LTK: variants seen among roughly 807,000 people sequenced by gnomAD.
The protein encoded by LTK is leukocyte tyrosine kinase receptor.
A neutral mutation model predicts 101.5 loss-of-function variants in LTK; 117 were observed. That is an observed-to-expected ratio of 1.15 (90% CI 0.99 to 1.34). The LOEUF (loss-of-function observed/expected upper bound fraction) is 1.34. Ranked by LOEUF, LTK falls within the 40% of genes most tolerant of loss-of-function variation. LTK has a pLI of 0.00. For missense variants in LTK, 1,252 were observed against 1,164.7 expected (o/e 1.07, Z -1.09); for synonymous variants, 563 against 494.2 (o/e 1.14, Z -1.85).
chr15:41,504,535 C>T lies in LTK; in HGVS notation c.2226G>A (p.Met742Ile). Reference sequence around the variant, plus strand: ...GCCCTGGGCAGCCCCTAGGAGGGTCCATCCGGCCTCCTCCAACGACGAAGT... The same window carrying T: ...GCCCTGGGCAGCCCCTAGGAGGGTCTATCCGGCCTCCTCCAACGACGAAGT... ...VLDFVVGGGR[M>I]DPPRGCPGPV... The change falls in exon 18 of 20, where the codon ATG (methionine) becomes ATA (isoleucine). Residue 742 changes from methionine to isoleucine, a missense_variant. Met to Ile is a conservative substitution (Grantham distance 10). Transcript: ENST00000263800. 1 of 1,613,768 alleles carries T rather than the reference C, an allele frequency of 6.2e-7. No homozygotes were observed. The highest frequency in any genetic ancestry group is 8.5e-7 in the Non-Finnish European group (1 of 1,179,944).
Position 41,511,288 on chromosome 15 carries a change from C to A in LTK, c.873G>T (p.Gln291His), listed in dbSNP as rs1254293652. The stretch of plus-strand genomic sequence containing the variant: ...AGCCCTGGCCGCCCTCCGCCCCCTC[C>A]TGCAGTGAGCGGCCGGCCTGCGGAG... ...APSPQAGRSL[Q>H]EGAEGGQGCS... is the part of the protein sequence containing the mutation. The change falls in exon 7 of 20, where the codon CAG (glutamine) becomes CAT (histidine). Residue 291 changes from glutamine (Q) to histidine (H), a missense_variant. Coordinates refer to ENST00000263800, the MANE Select transcript of LTK (RefSeq NM_002344.6). The surrounding 1 kb of genome is among the most constrained non-coding windows in gnomAD (Gnocchi z 5.9). The A allele has an allele frequency of 1.6e-5, 23 of 1,400,166 alleles. No individual in the cohort carries two copies. The highest frequency in any genetic ancestry group is 2.1e-5 in the Non-Finnish European group (23 of 1,083,592). The allele number at this position is 1,400,166 out of a possible 1,614,324, so 86.7% of individuals were successfully genotyped here. A position where few individuals can be genotyped will look rare whatever the true frequency, so the allele number is the denominator to read the frequency against.
Position 41,503,937 on chromosome 15 carries a change from G to A in LTK, c.*59C>T. On this transcript the variant is annotated 3_prime_UTR_variant, in exon 20 of 20. Transcript: ENST00000263800. ...GGCATAACAGGCCACCCAGGAGCCT[G>A]AGGAGTATAGGGAGGGACCCTCAGT... 1 of 1,519,694 alleles carries A rather than the reference G, an allele frequency of 6.6e-7. No individual in the cohort carries two copies. Among genetic ancestry groups the A allele is most frequent in the Non-Finnish European group, 8.8e-7 (1 of 1,136,738 alleles). 94.1% of individuals were successfully genotyped at this position (1,519,694 alleles called of 1,614,324 possible).
At position 41,504,031 on chromosome 15, in the gene LTK, G is replaced by T. The variant is rs1474002400; in HGVS notation, c.2560C>A (p.Pro854Thr). 5 of 1,612,182 alleles carry T rather than the reference G, an allele frequency of 3.1e-6. No individual in the cohort carries two copies. In the South Asian group the frequency reaches 4.4e-5, roughly 14 times the overall value. Residue 854 changes from proline (P) to threonine (T), a missense_variant, in exon 20 of 20, where the codon CCT becomes ACT. Pro to Thr is a conservative substitution (Grantham distance 38, BLOSUM62 -1). Coordinates refer to ENST00000263800, the MANE Select transcript of LTK (RefSeq NM_002344.6). ...TAAGTGGGATTCCAAAGGTTCTGAG[G>T]TTGGAGGCCCCTGGATTTGAGGGGC... Reference protein sequence around the residue: ...LKPLKSRGLQPQNLWNPTYRS With the variant: ...LKPLKSRGLQTQNLWNPTYRS
chr15:41,506,555 T>G (rs1346079658), intron 11 of LTK, among the ~76,000 whole-genome samples: 1 of 152,014 alleles, frequency 6.6e-6, no homozygotes, highest in Non-Finnish European at 1.5e-5. Context: ...TCCACCTGCC[T>G]TGGCCTCCCA....
rs1395603499 is a variant in LTK at position 41,511,449 on chromosome 15, C to G, written c.787G>C (p.Gly263Arg). Residue 263 changes from glycine to arginine, a missense_variant, in exon 6 of 20, where the codon GGG becomes CGG. Coordinates refer to ENST00000263800, the MANE Select transcript of LTK (RefSeq NM_002344.6). This position sits in a 1 kb window ranked among gnomAD's most constrained non-coding sequence, Gnocchi z 5.9. ...GCCGCCCCGCCTCTCCCGCCGCTCC[C>G]GGGCGCCTCCGAGCGGTTCTCCAGT... ...EKLENRSEAP[G>R]SGGRGGAAGG... is the part of the protein sequence containing the mutation. 5 of 1,414,310 alleles carry G rather than the reference C, an allele frequency of 3.5e-6. No individual in the cohort carries two copies. The highest frequency in any genetic ancestry group is 1.5e-5 in the South Asian group (1 of 65,064). The allele number at this position is 1,414,310 out of a possible 1,614,324, so 87.6% of individuals were successfully genotyped here.
In LTK at chr15:41,512,122, C is replaced by G. The variant is rs898688700; in HGVS notation, c.503G>C (p.Cys168Ser). 4.4e-6 allele frequency: 7 copies of G among 1,608,304 alleles called. No individual in the cohort carries two copies. The Admixed American group carries it at 1.2e-4, about 27-fold the overall frequency. ...CCCACTGGCTGCGCTCACTCCGGGA[C>G]AGGCGTCCTCTCCCTGCTGCCCCAC... Reference protein sequence around the residue: ...ILVGQQGEDACPGGSPESQLV... With the variant: ...ILVGQQGEDASPGGSPESQLV... Residue 168 changes from cysteine to serine, a missense_variant, in exon 4 of 20, where the codon TGT becomes TCT. Cys to Ser is a moderately radical substitution (Grantham distance 112). Coordinates refer to ENST00000263800, the MANE Select transcript of LTK (RefSeq NM_002344.6).
At position 41,505,227 on chromosome 15, in the gene LTK, C is replaced by T. The variant is rs1346640138; in HGVS notation, c.1906G>A (p.Glu636Lys). 4 of 1,613,974 alleles carry T rather than the reference C, an allele frequency of 2.5e-6. No individual in the cohort carries two copies. The highest frequency in any genetic ancestry group is 2.5e-6 in the Non-Finnish European group (3 of 1,180,014). Residue 636 changes from glutamate (E) to lysine (K), a missense_variant, in exon 15 of 20, where the codon GAA (glutamate) becomes AAA (lysine). Physicochemically the swap from Glu to Lys is moderately conservative, Grantham distance 56 (BLOSUM62 1). Transcript: ENST00000263800. ...DIAQGCHYLE[E>K]NHFIHRDIAA... ...CCTAACCTGTGGATGAAGTGATTTT[C>T]CTCCAGGTAGTGGCAGCCCTGGGCT... is the stretch of plus-strand genomic sequence containing the variant.
chr15:41,504,743 T>TGGGGAAGGGGA (rs201729483), intron 17 of LTK, 30 bp downstream of exon 17: 96,759 of 1,585,026 alleles, frequency 0.061, 3,620 homozygotes, highest in African/African-American at 0.1. Context: ...AGGGGAACAG[T>TGGGGAAGGGGA]GGGGAAGGGG....
Position 41,504,105 on chromosome 15 carries a change from T to C in LTK, c.2486A>G (p.Lys829Arg). The change falls in exon 20 of 20, where the codon AAA (lysine) becomes AGA (arginine). Residue 829 changes from lysine (K) to arginine (R), a missense_variant. By Grantham distance (26) the Lys-to-Arg change is conservative (BLOSUM62 2). Transcript: ENST00000263800. ...QPQELSPEKLKSWGGSPLGPW... is the reference protein window; with the variant it reads ...QPQELSPEKLRSWGGSPLGPW... ...GCCAAGAGGGCTACCTCCCCAGCTT[T>C]TCAACTTCTCTGGACTCAGTTCCTG... is the stretch of plus-strand genomic sequence containing the variant. 6.2e-7 allele frequency: 1 copy of C among 1,614,106 alleles called. No homozygotes were observed. The highest frequency in any genetic ancestry group is 1.7e-5 in the Admixed American group (1 of 60,018).
chr15:41,512,706 C>G lies in LTK; in HGVS notation c.359+1G>C, dbSNP rs146417308. On this transcript the variant is annotated splice_donor_variant, in intron 3 of 19. Transcript: ENST00000263800. LOFTEE classifies it high-confidence loss of function. ...CCACCCTACCTCCGCCGTGCACTTA[C>G]AGATACTGGCCAGGGCCCGGCACGC... 9 of 1,577,284 alleles carry G rather than the reference C, an allele frequency of 5.7e-6. No homozygotes were observed. The Admixed American group carries it at 1.6e-4, about 28-fold the overall frequency.
rs1024311663 is a variant in LTK at position 41,511,698 on chromosome 15, G to GCCAGC, written c.657+114_657+118dup. 34 of 1,403,358 alleles carry GCCAGC rather than the reference G, an allele frequency of 2.4e-5. No individual in the cohort carries two copies. The East Asian group carries it at 3.3e-4, about 13-fold the overall frequency. The allele number at this position is 1,403,358 out of a possible 1,614,324, so 86.9% of individuals were successfully genotyped here. On this transcript the variant is annotated intron_variant, in intron 5 of 19. Transcript: ENST00000263800. This position sits in a 1 kb window ranked among gnomAD's most constrained non-coding sequence, Gnocchi z 5.9. ...GGCAGGGGCCCCCAGCCCAGCCCAGGCCAGCCCAGCCCAGCGCAGGGATAG... is the reference window on the plus strand; with the variant it reads ...GGCAGGGGCCCCCAGCCCAGCCCAGGCCAGCCCAGCCCAGCCCAGCGCAGGGATAG...
chr15:41,508,323 C>G, intron 8 of LTK, 102 bp from the exon 9 acceptor site: 1 of 994,332 alleles, frequency 1.0e-6, no homozygotes, highest in African/African-American at 1.7e-5. Context: ...AATCATTGCA[C>G]TTTGGGAGGC....
intron 7 of LTK, among the ~76,000 whole-genome samples, chr15:41,509,858 T>TA (rs200245367): frequency 2.7e-4 from 40 of 149,900 alleles, no homozygotes; most frequent in African/African-American, 6.6e-4. Context: ...AGACTCCATC[T>TA]AAAAAAAAAA....
At position 41,505,285 on chromosome 15, in the gene LTK, G is replaced by T; in HGVS notation, c.1848C>A (p.Val616=). 3 of 1,613,980 alleles carry T rather than the reference G, an allele frequency of 1.9e-6. No homozygotes were observed. The South Asian group carries it at 3.3e-5, about 18-fold the overall frequency. ...RPHLGQPSPL[V]MRDLLQLAQD... ...GGGCCAGTTGCAGCAGGTCCCGCATGACCAGAGGTGATGGCTGGCCCTGGG... is the reference window on the plus strand; with the variant it reads ...GGGCCAGTTGCAGCAGGTCCCGCATTACCAGAGGTGATGGCTGGCCCTGGG... The change falls in exon 15 of 20, where the codon GTC becomes GTA. Residue 616 remains valine (V), a synonymous_variant. Coordinates refer to ENST00000263800, the MANE Select transcript of LTK (RefSeq NM_002344.6).
Position 41,511,835 on chromosome 15 carries a change from G to GCCCCCC in LTK, c.638_639insGGGGGG (p.Gly212_Gly213dup). 6.8e-7 allele frequency: 1 copy of GCCCCCC among 1,477,322 alleles called. No individual in the cohort carries two copies. The highest frequency in any genetic ancestry group is 8.9e-7 in the Non-Finnish European group (1 of 1,122,388). The allele number at this position is 1,477,322 out of a possible 1,614,324, so 91.5% of individuals were successfully genotyped here. On this transcript the variant is annotated inframe_insertion, in exon 5 of 20. Coordinates refer to ENST00000263800, the MANE Select transcript of LTK (RefSeq NM_002344.6). The surrounding 1 kb of genome is among the most constrained non-coding windows in gnomAD (Gnocchi z 5.9). Reference sequence around the variant, plus strand: ...CACGTACCCGGAAAACGTAGGTGGCGCCCCCGCCACCCCCGCCACCTCCCG... The same window carrying GCCCCCC: ...CACGTACCCGGAAAACGTAGGTGGCGCCCCCCCCCCCGCCACCCCCGCCACCTCCCG...
Position 41,509,122 on chromosome 15 carries a change from G to C in LTK, c.1005C>G (p.Asp335Glu). Residue 335 changes from aspartate to glutamate, a missense_variant, in exon 8 of 20, where the codon GAC (aspartate) becomes GAG (glutamate). Coordinates refer to ENST00000263800, the MANE Select transcript of LTK (RefSeq NM_002344.6). ...CCCAGAGGTTGTCAGTCTCTGAAGC[G>C]TCGCCCCCTGGAAGTGGAGAGTGAT... ...GGGGGGYRGG[D>E]ASETDNLWAD... 6.2e-7 allele frequency: 1 copy of C among 1,609,068 alleles called. No individual in the cohort carries two copies. The highest frequency in any genetic ancestry group is 8.5e-7 in the Non-Finnish European group (1 of 1,175,444).
chr15:41,513,723 A>C lies in LTK; in HGVS notation c.-14T>G. Reference sequence around the variant, plus strand: ...CCAGCAGCCCATCCCTGTTGGGTCCACCCGGCAACAAAAGCCCTTGCGGTC... The same window carrying C: ...CCAGCAGCCCATCCCTGTTGGGTCCCCCCGGCAACAAAAGCCCTTGCGGTC... On this transcript the variant is annotated 5_prime_UTR_variant, in exon 1 of 20. Transcript: ENST00000263800. 1 of 1,613,044 alleles carries C rather than the reference A, an allele frequency of 6.2e-7. No individual in the cohort carries two copies. The highest frequency in any genetic ancestry group is 8.5e-7 in the Non-Finnish European group (1 of 1,179,580).
chr15:41,507,671 G>A lies in LTK; in HGVS notation c.1250-14C>T. ...GCTTGTGCAGGTCTAGGGAGAAAGA[G>A]AGACACCTCCAGTGGGAAGGTCTTC... On this transcript the variant is annotated splice_polypyrimidine_tract_variant and intron_variant, in intron 9 of 19. Coordinates refer to ENST00000263800, the MANE Select transcript of LTK (RefSeq NM_002344.6). The A allele has an allele frequency of 6.2e-7, 1 of 1,609,952 alleles. No homozygotes were observed. The highest frequency in any genetic ancestry group is 1.7e-4 in the Middle Eastern group (1 of 6,052).
intron 10 of LTK, 120 bp from the exon 11 acceptor site, chr15:41,507,410 G>A: frequency 6.6e-7 from 1 of 1,511,884 alleles, no homozygotes; most frequent in Admixed American, 2.0e-5. Context: ...GGCCTCCCCA[G>A]CTCCTTCCTA....
Sources: allele counts gnomAD v4.1 joint callset (sites outside exome capture counted in the v4.1 genomes callset), GRCh38; gene constraint gnomAD v4.1.1; non-coding constraint Gnocchi (gnomAD v3.1); transcripts MANE v1.5; gene names NCBI Gene and HGNC (gene_info 2026-07-23, HGNC 2026-07-21).